TLDC2: variants seen among roughly 807,000 people sequenced by gnomAD.
TLDC2 encodes TBC/LysM-associated domain containing 2.
A neutral mutation model predicts 27.9 loss-of-function variants in TLDC2; 23 were observed. The observed-to-expected ratio is 0.82, with a 90% CI of 0.59 to 1.17. TLDC2 has a LOEUF of 1.17. TLDC2 is among the 50% of genes most tolerant of loss of function. The pLI is 0.00. For synonymous variants in TLDC2, 124 were observed against 107.4 expected, an observed-to-expected ratio of 1.16 and a Z score of -0.96; for missense variants, 286 against 273.4, an observed-to-expected ratio of 1.05 and a Z score of -0.32.
chr20:36,881,559 T>C (rs1211693327), intron 4 of TLDC2, among the ~76,000 whole-genome samples: 2 of 152,142 alleles, frequency 1.3e-5, no homozygotes, highest in Non-Finnish European at 2.9e-5. Context: ...ACGCCGCCAC[T>C]TCAGTGCATC....
At chr20:36,880,124 C>T (rs1195619139) in intron 3 of TLDC2, among the ~76,000 whole-genome samples, 2 of 39,408 alleles carry the variant, frequency 5.1e-5, no homozygotes, top group Non-Finnish European at 1.5e-4. Context: ...GACGGAGTCT[C>T]GCTCTGTCAC....
At chr20:36,882,286 T>A (rs1291128) in intron 4 of TLDC2, among the ~76,000 whole-genome samples, 1 of 152,142 alleles carries the variant, frequency 6.6e-6, no homozygotes, top group East Asian at 1.9e-4. Flanking sequence ...TTCATGCCTA[T>A]AATCCCAGCA....
intron 5 of TLDC2, among the ~76,000 whole-genome samples, chr20:36,887,732 C>T (rs1405670972): frequency 6.6e-6 from 1 of 152,158 alleles, no homozygotes; most frequent in Non-Finnish European, 1.5e-5. Flanking sequence ...TGCATGAGTG[C>T]CCCCACTGAA....
In TLDC2 at chr20:36,893,048, G is replaced by A; in HGVS notation, c.*204G>A. 6.2e-7 allele frequency: 1 copy of A among 1,613,128 alleles called. No individual in the cohort carries two copies. Among genetic ancestry groups the A allele is most frequent in the Non-Finnish European group, 8.5e-7 (1 of 1,179,874 alleles). On this transcript the variant is annotated 3_prime_UTR_variant, in exon 7 of 7. Transcript: ENST00000217320. ...TCCTTTTTTTGAGGTGTTATGAGTGGGGCTATAACATCGCCATCCTATTAG... is the reference window on the plus strand; with the variant it reads ...TCCTTTTTTTGAGGTGTTATGAGTGAGGCTATAACATCGCCATCCTATTAG...
At chr20:36,880,116 C>T (rs1266447321) in intron 3 of TLDC2, among the ~76,000 whole-genome samples, 2 of 26,990 alleles carry the variant, frequency 7.4e-5, no homozygotes, top group East Asian at 2.4e-3. Context: ...TTTTTTGAGA[C>T]GGAGTCTCGC....
Position 36,887,454 on chromosome 20 carries a change from G to A in TLDC2, c.439-1G>A, listed in dbSNP as rs1330044092. 2 of 1,613,742 alleles carry A rather than the reference G, an allele frequency of 1.2e-6. No individual in the cohort carries two copies. Among genetic ancestry groups the A allele is most frequent in the Non-Finnish European group, 1.7e-6 (2 of 1,179,770 alleles). ...TGAGCCTTTCCCTATGTATCACCCA[G>A]GTCTTTAAGTGGACTGGAAGCAACT... On this transcript the variant is annotated splice_acceptor_variant, in intron 4 of 6. Coordinates refer to ENST00000217320, the MANE Select transcript of TLDC2 (RefSeq NM_080628.3). LOFTEE classifies it high-confidence loss of function.
chr20:36,883,690 C>G (rs1355404524), intron 4 of TLDC2, among the ~76,000 whole-genome samples: 1 of 152,170 alleles, frequency 6.6e-6, no homozygotes, highest in Non-Finnish European at 1.5e-5. Flanking sequence ...CCTTTACTGC[C>G]ATCTTGGTTC....
chr20:36,876,285 C>T, intron 1 of TLDC2, 78 bp downstream of exon 1: 1 of 1,592,840 alleles, frequency 6.3e-7, no homozygotes, highest in Admixed American at 1.7e-5. Context: ...GGGGCCTGGG[C>T]TAGGGTTGGA....
intron 4 of TLDC2, among the ~76,000 whole-genome samples, chr20:36,886,623 A>C (rs1309360656): frequency 6.6e-6 from 1 of 151,900 alleles, no homozygotes; most frequent in Admixed American, 6.6e-5. Context: ...TTTTTTAGAG[A>C]TAGGGGAGGG....
chr20:36,889,545 G>A, intron 6 of TLDC2, 142 bp downstream of exon 6: 2 of 985,632 alleles, frequency 2.0e-6, no homozygotes, highest in Non-Finnish European at 2.9e-6. Flanking sequence ...CCAAGATACA[G>A]GTGGGGGCAG....
intron 4 of TLDC2, 89 bp from the exon 5 acceptor site, chr20:36,887,366 C>G: frequency 8.3e-7 from 1 of 1,200,388 alleles, no homozygotes; most frequent in Non-Finnish European, 1.2e-6. Context: ...GTTCCCGCCA[C>G]AACACTGCCA....
rs193046583 is a variant in TLDC2, at chr20:36,893,775, G to A, written c.*931G>A. The A allele has an allele frequency of 1.3e-5, 5 of 396,668 alleles. No individual in the cohort carries two copies. The highest frequency in any genetic ancestry group is 4.4e-5 in the Admixed American group (1 of 22,658). 24.6% of individuals were successfully genotyped at this position (396,668 alleles called of 1,614,324 possible). On this transcript the variant is annotated 3_prime_UTR_variant, in exon 7 of 7. Transcript: ENST00000217320. ...GAATACAATGCTGGTGGGAGGATTC[G>A]TGCTCCTCATCTGCTTATTTGCTCT...
chr20:36,879,272 A>G, intron 3 of TLDC2, 79 bp downstream of exon 3: 1 of 1,497,550 alleles, frequency 6.7e-7, no homozygotes, highest in Non-Finnish European at 8.9e-7. Flanking sequence ...AGGGCAGCTC[A>G]GGGACAAGCA....
Position 36,893,167 on chromosome 20 carries a change from A to G in TLDC2, c.*323A>G. ...AAGTGCGCACATCCTCATCTTGCAT[A>G]TAGATTGCTTCTAGCTGTCCTCAAT... On this transcript the variant is annotated 3_prime_UTR_variant, in exon 7 of 7. Transcript: ENST00000217320. 6.9e-7 allele frequency: 1 copy of G among 1,441,200 alleles called. No individual in the cohort carries two copies. Among genetic ancestry groups the G allele is most frequent in the Non-Finnish European group, 9.6e-7 (1 of 1,039,556 alleles). 89.3% of individuals were successfully genotyped at this position (1,441,200 alleles called of 1,614,324 possible). A position where few individuals can be genotyped will look rare whatever the true frequency, so the allele number is the denominator to read the frequency against.
chr20:36,889,918 T>G (rs1990019467), intron 6 of TLDC2: 2 of 152,408 alleles, frequency 1.3e-5, no homozygotes, highest in African/African-American at 4.8e-5. Flanking sequence ...AATGTGTGTG[T>G]GTGTGTGTGT....
intron 1 of TLDC2, among the ~76,000 whole-genome samples, chr20:36,877,258 G>A (rs1460027913): frequency 1.3e-5 from 2 of 151,814 alleles, no homozygotes; most frequent in Non-Finnish European, 2.9e-5. Flanking sequence ...GTGGGCACCT[G>A]TCATCCCAGC....
chr20:36,884,831 T>C (rs989626123), intron 4 of TLDC2, among the ~76,000 whole-genome samples: 11 of 151,268 alleles, frequency 7.3e-5, no homozygotes, highest in Non-Finnish European at 1.5e-4. Context: ...AAGCCCTTAG[T>C]GTCCTTCTCC....
chr20:36,889,219 G>A (rs1989997500), intron 5 of TLDC2, 32 bp from the exon 6 acceptor site: 3 of 1,610,564 alleles, frequency 1.9e-6, no homozygotes, highest in Non-Finnish European at 2.5e-6. Context: ...ACACAGGAGT[G>A]AGCCGCACCA....
At chr20:36,889,929 G>T (rs1780885668) in intron 6 of TLDC2, 1 of 152,006 alleles carries the variant, frequency 6.6e-6, no homozygotes, top group South Asian at 2.1e-4. Context: ...GTGTGTGTGT[G>T]TATACTTACA....
Sources: gnomAD v4.1 joint callset for allele counts (sites outside exome capture counted in the v4.1 genomes callset) on GRCh38, gnomAD v4.1.1 for gene constraint, MANE v1.5 for transcripts, NCBI Gene and HGNC (gene_info 2026-07-23, HGNC 2026-07-21) for gene names.